STAT5B: variants seen among roughly 807,000 people sequenced by gnomAD.
The protein encoded by STAT5B is signal transducer and activator of transcription 5B.
In STAT5B, 21 loss-of-function variants were observed where a neutral mutation model predicts 107.8. The ratio of observed to expected loss-of-function variants is 0.19; its 90% confidence interval spans 0.14 to 0.28. The LOEUF is 0.28. Among genes scored for constraint, STAT5B ranks in the 10% least tolerant of loss-of-function variants. The pLI is 1.00. For missense variants in STAT5B, 565 were observed against 1,008.2 expected (o/e 0.56, Z 5.95); for synonymous variants, 325 against 401.7 (o/e 0.81, Z 2.28).
At chr17:42,228,124 A>G (rs922177369) in intron 2 of STAT5B, among the ~76,000 whole-genome samples, 1 of 152,170 alleles carries the variant, frequency 6.6e-6, no homozygotes, top group Non-Finnish European at 1.5e-5. Flanking sequence ...AGCCTCAAGG[A>G]GTTTGGTATC....
intron 1 of STAT5B, among the ~76,000 whole-genome samples, chr17:42,275,943 G>T (rs2080761339): frequency 6.6e-6 from 1 of 151,930 alleles, no homozygotes; most frequent in Non-Finnish European, 1.5e-5. Flanking sequence ...TCGGCGCGGG[G>T]TCCCCACACA....
In STAT5B at chr17:42,201,709, AAGAAGCTGAAGATGG is replaced by A; in HGVS notation, c.*14_*28del. The A allele has an allele frequency of 7.4e-7, 1 of 1,346,650 alleles. No homozygotes were observed. 83.4% of individuals were successfully genotyped at this position (1,346,650 alleles called of 1,614,324 possible). ...AAGAGTGATTCCTCTGGTGAAGATG[AAGAAGCTGAAGATGG>A]AGAGGTCGCGGGGTCACGATTGTGC... On this transcript the variant is annotated 3_prime_UTR_variant, in exon 19 of 19. Transcript: ENST00000293328.
upstream of STAT5B, among the ~76,000 whole-genome samples, chr17:42,280,863 G>A (rs898035386): frequency 1.3e-5 from 2 of 152,082 alleles, no homozygotes; most frequent in African/African-American, 2.4e-5. Context: ...GGCCGGGCGC[G>A]GTGGCTCACA....
At chr17:42,217,704 T>G (rs77475601) in intron 9 of STAT5B, 12 of 542,124 alleles carry the variant, frequency 2.2e-5, no homozygotes, top group African/African-American at 3.8e-5. Flanking sequence ...TTTTTTTTTT[T>G]TGTGACGGAG....
In STAT5B at chr17:42,226,808, C is replaced by CAA. The variant is rs767274248; in HGVS notation, c.285+719_285+720dup. On this transcript the variant is annotated intron_variant, in intron 3 of 18. Coordinates refer to ENST00000293328, the MANE Select transcript of STAT5B (RefSeq NM_012448.4). ...GGGCAACAAGAGTGAAACTCCATCT[C>CAA]AAAAAAAAAAAAAAAAAAAGACAAT... Among the ~76,000 whole-genome samples, 15 of 47,614 alleles carry CAA rather than the reference C, an allele frequency of 3.2e-4. No individual in the cohort carries two copies. In the South Asian group the frequency reaches 7.7e-3, roughly 24 times the overall value. 31.2% of individuals were successfully genotyped at this position (47,614 alleles called of 152,430 possible).
intron 1 of STAT5B, among the ~76,000 whole-genome samples, chr17:42,261,496 T>C (rs985282181): frequency 4.6e-5 from 7 of 152,244 alleles, no homozygotes; most frequent in African/African-American, 9.6e-5. Context: ...AATTCTGTTA[T>C]AGCAATTTCA....
intron 2 of STAT5B, among the ~76,000 whole-genome samples, chr17:42,228,385 TTTCTTTCC>T (rs965932504): frequency 3.9e-4 from 60 of 152,306 alleles, no homozygotes; most frequent in African/African-American, 9.4e-4. Flanking sequence ...CCCTCCCTCC[TTTCTTTCC>T]TTCTTTCCTT....
At chr17:42,218,936 G>T (rs576770401) in intron 7 of STAT5B, 58 bp from the exon 8 acceptor site, 164 of 1,613,012 alleles carry the variant, frequency 1.0e-4, no homozygotes, top group African/African-American at 5.3e-4. Flanking sequence ...CAGACGCCAG[G>T]CCCCAAGACA....
upstream of STAT5B, among the ~76,000 whole-genome samples, chr17:42,278,036 A>G (rs866687061): frequency 1.3e-5 from 2 of 152,028 alleles, no homozygotes; most frequent in African/African-American, 4.8e-5. Flanking sequence ...GATTACAGGC[A>G]TCAGCCACCG....
At chr17:42,228,269 C>A (rs1290115461) in intron 2 of STAT5B, among the ~76,000 whole-genome samples, 1 of 152,204 alleles carries the variant, frequency 6.6e-6, no homozygotes, top group African/African-American at 2.4e-5. Context: ...GTTGCAGACC[C>A]AGGACCTGAA....
chr17:42,207,524 CAA>C lies in STAT5B; in HGVS notation c.2077+32_2077+33del, dbSNP rs1491234933. Reference sequence around the variant, plus strand: ...ACACACACACACACACACACACACACAACAAAATCAAATCAGAATGCGAACAT... The same window carrying C: ...ACACACACACACACACACACACACACCAAAATCAAATCAGAATGCGAACAT... On this transcript the variant is annotated intron_variant, in intron 16 of 18. Coordinates refer to ENST00000293328, the MANE Select transcript of STAT5B (RefSeq NM_012448.4). The C allele has an allele frequency of 9.7e-4, 1,421 of 1,470,976 alleles. 14 individuals carry two copies. In the African/African-American group the frequency reaches 0.033, roughly 34 times the overall value. 91.1% of individuals were successfully genotyped at this position (1,470,976 alleles called of 1,614,324 possible).
intron 16 of STAT5B, among the ~76,000 whole-genome samples, chr17:42,204,880 C>T (rs900337571): frequency 5.3e-5 from 8 of 151,970 alleles, no homozygotes; most frequent in African/African-American, 1.9e-4. Context: ...TTCTAATGTG[C>T]TGGAATTACA....
Position 42,219,703 on chromosome 17 carries a change from C to T in STAT5B, c.681+9G>A, listed in dbSNP as rs748173530. 98 of 1,601,724 alleles carry T rather than the reference C, an allele frequency of 6.1e-5. No individual in the cohort carries two copies. The highest frequency in any genetic ancestry group is 7.9e-5 in the Non-Finnish European group (93 of 1,175,830). ...CCCACGCCCAGGAGAGGCCCAGGAC[C>T]CCACTCACCACGCGGTACTGCTGCA... On this transcript the variant is annotated intron_variant, in intron 6 of 18. Coordinates refer to ENST00000293328, the MANE Select transcript of STAT5B (RefSeq NM_012448.4).
intron 1 of STAT5B, among the ~76,000 whole-genome samples, chr17:42,273,559 G>GA (rs2080738491): frequency 2.0e-5 from 3 of 152,130 alleles, no homozygotes; most frequent in Admixed American, 1.3e-4. Flanking sequence ...AACAGAAAGG[G>GA]AAAAAATGTG....
intron 1 of STAT5B, among the ~76,000 whole-genome samples, chr17:42,244,927 A>T (rs1179171798): frequency 2.0e-5 from 3 of 152,118 alleles, no homozygotes; most frequent in Non-Finnish European, 4.4e-5. Flanking sequence ...TTTGAGACAG[A>T]GTCTTGCTCT....
chr17:42,264,687 T>A (rs1567678166), intron 1 of STAT5B, among the ~76,000 whole-genome samples: 1 of 150,874 alleles, frequency 6.6e-6, no homozygotes, highest in Non-Finnish European at 1.5e-5. Flanking sequence ...TGTGTCTTTA[T>A]AGCAGCATGA....
At chr17:42,249,375 AGAGT>A (rs1395308532) in intron 1 of STAT5B, among the ~76,000 whole-genome samples, 3 of 152,132 alleles carry the variant, frequency 2.0e-5, no homozygotes, top group Non-Finnish European at 4.4e-5. Flanking sequence ...CCTGGGCAAC[AGAGT>A]GAGACTCTAT....
At chr17:42,280,614 A>G (rs184794880), upstream of STAT5B, among the ~76,000 whole-genome samples, 1 of 152,236 alleles carries the variant, frequency 6.6e-6, no homozygotes, top group East Asian at 1.9e-4. Flanking sequence ...GAATCCTTCC[A>G]TAGGGGGATA....
rs1567652512 is a variant in STAT5B, at chr17:42,201,526, A to ACG, written c.*211_*212insCG. Reference sequence around the variant, plus strand: ...GAAACACCATAACGTGCAAACACGCACACACACACACACACACACACACAC... The same window carrying ACG: ...GAAACACCATAACGTGCAAACACGCACGCACACACACACACACACACACACAC... On this transcript the variant is annotated 3_prime_UTR_variant, in exon 19 of 19. Coordinates refer to ENST00000293328, the MANE Select transcript of STAT5B (RefSeq NM_012448.4). 1.4e-5 allele frequency: 2 copies of ACG among 145,096 alleles called. No individual in the cohort carries two copies. The highest frequency in any genetic ancestry group is 1.4e-4 in the South Asian group (1 of 7,212). 9.0% of individuals were successfully genotyped at this position (145,096 alleles called of 1,614,324 possible). A position where few individuals can be genotyped will look rare whatever the true frequency, so the allele number is the denominator to read the frequency against.
Sources: gnomAD v4.1 joint callset for allele counts (sites outside exome capture counted in the v4.1 genomes callset) on GRCh38, gnomAD v4.1.1 for gene constraint, MANE v1.5 for transcripts, NCBI Gene and HGNC (gene_info 2026-07-23, HGNC 2026-07-21) for gene names.